RALGAPA1: variants seen among roughly 807,000 people sequenced by gnomAD.
The protein encoded by RALGAPA1 is ral GTPase-activating protein subunit alpha-1.
RALGAPA1 carries 52 observed loss-of-function variants against 269.6 expected under a neutral mutation model. The ratio of observed to expected loss-of-function variants is 0.19; its 90% confidence interval spans 0.15 to 0.24. The LOEUF (loss-of-function observed/expected upper bound fraction) is 0.24, where lower values mean the gene tolerates loss of function less well. Among genes scored for constraint, RALGAPA1 ranks in the 10% least tolerant of loss-of-function variants. The probability of loss-of-function intolerance (pLI) is 1.00; values close to 1 mark genes in which losing one functional copy is unlikely to be tolerated. For missense variants in RALGAPA1, 1,917 were observed against 3,013.9 expected (o/e 0.64, Z 8.52); for synonymous variants, 817 against 1,008.3 (o/e 0.81, Z 3.60).
chr14:35,660,722 A>G (rs2063487106), intron 27 of RALGAPA1, among the ~76,000 whole-genome samples: 1 of 152,108 alleles, frequency 6.6e-6, no homozygotes, highest in Non-Finnish European at 1.5e-5. Context: ...ACTAATGGAT[A>G]AAGAAAATGT....
intron 36 of RALGAPA1, among the ~76,000 whole-genome samples, chr14:35,602,016 TTC>T (rs1382234645): frequency 3.3e-5 from 5 of 152,202 alleles, no homozygotes; most frequent in Admixed American, 3.3e-4. Flanking sequence ...TTAACCTACT[TTC>T]TGTCTCTATA....
intron 39 of RALGAPA1, among the ~76,000 whole-genome samples, chr14:35,563,176 G>T (rs1314880005): frequency 6.6e-6 from 1 of 152,012 alleles, no homozygotes; most frequent in African/African-American, 2.4e-5. Context: ...AAACAAGGAG[G>T]GTAAGTAAGA....
chr14:35,769,744 A>C (rs1386037554), intron 4 of RALGAPA1, among the ~76,000 whole-genome samples: 1 of 152,200 alleles, frequency 6.6e-6, no homozygotes, highest in African/African-American at 2.4e-5. Context: ...GAAAGAAACA[A>C]ATTATCAAAC....
intron 28 of RALGAPA1, among the ~76,000 whole-genome samples, 180 bp downstream of exon 28, chr14:35,658,958 A>C (rs1247865757): frequency 6.6e-6 from 1 of 152,108 alleles, no homozygotes; most frequent in Non-Finnish European, 1.5e-5. Flanking sequence ...TTTATGAAGA[A>C]AGGTTAGTAT....
rs761755854 is a variant in RALGAPA1, at chr14:35,627,813, T to C, written c.6134A>G (p.Asn2045Ser). 1.9e-6 allele frequency: 3 copies of C among 1,574,740 alleles called. No homozygotes were observed. Among genetic ancestry groups the C allele is most frequent in the East Asian group, 2.2e-5 (1 of 44,734 alleles). Residue 2045 changes from asparagine (N) to serine (S), a missense_variant, in exon 34 of 42, where the codon AAT becomes AGT. By Grantham distance (46) the Asn-to-Ser change is conservative (BLOSUM62 1). Coordinates refer to ENST00000680220, the MANE Select transcript of RALGAPA1 (RefSeq NM_001346249.2). Reference protein sequence around the residue: ...LTSQVCENHDNHYSESTELSP... With the variant: ...LTSQVCENHDSHYSESTELSP... Reference sequence around the variant, plus strand: ...AAGTTCAGTACTTTCACTGTAATGATTGTCGTGATTTTCACACACCTGACT... The same window carrying C: ...AAGTTCAGTACTTTCACTGTAATGACTGTCGTGATTTTCACACACCTGACT...
intron 35 of RALGAPA1, among the ~76,000 whole-genome samples, chr14:35,622,966 T>G (rs573395871): frequency 6.6e-6 from 1 of 151,810 alleles, no homozygotes; most frequent in South Asian, 2.1e-4. Flanking sequence ...CCAGGTGTGA[T>G]GTGTGGTCAG....
intron 4 of RALGAPA1, among the ~76,000 whole-genome samples, chr14:35,763,813 A>G (rs1231259663): frequency 5.3e-5 from 8 of 151,004 alleles, no homozygotes; most frequent in African/African-American, 2.0e-4. Context: ...GAGAGAGAGG[A>G]ATAAAATTAC....
At chr14:35,779,380 C>G (rs372186477) in intron 1 of RALGAPA1, among the ~76,000 whole-genome samples, 1 of 151,830 alleles carries the variant, frequency 6.6e-6, no homozygotes, top group African/African-American at 2.4e-5. Context: ...AAAAATCAGC[C>G]AAGCATGGTG....
rs567269806 is a variant in RALGAPA1, at chr14:35,700,196, A to G, written c.2373T>C (p.Asp791=). Reference sequence around the variant, plus strand: ...CATCAGAAAGGGGAGTGAGAACAATATCAGGCAAGAAGGGTTTGGAAGTAT... The same window carrying G: ...CATCAGAAAGGGGAGTGAGAACAATGTCAGGCAAGAAGGGTTTGGAAGTAT... ...LIHTSKPFLP[D]IVLTPLSDEL... Residue 791 remains aspartate, a synonymous_variant, in exon 17 of 42, where the codon GAT becomes GAC. Transcript: ENST00000680220. 2.0e-6 allele frequency: 3 copies of G among 1,535,398 alleles called. No homozygotes were observed. In the South Asian group the frequency reaches 3.6e-5, roughly 18 times the overall value.
intron 12 of RALGAPA1, among the ~76,000 whole-genome samples, chr14:35,736,905 G>C (rs569387942): frequency 8.6e-5 from 13 of 151,902 alleles, no homozygotes; most frequent in Admixed American, 5.9e-4. Flanking sequence ...GCATGGTGGC[G>C]TGTGCCTGTA....
At chr14:35,577,915 T>C (rs2057686216) in intron 37 of RALGAPA1, among the ~76,000 whole-genome samples, 1 of 152,116 alleles carries the variant, frequency 6.6e-6, no homozygotes, top group South Asian at 2.1e-4. Context: ...CTTCATTTTT[T>C]TAAAAAAGTA....
intron 1 of RALGAPA1, among the ~76,000 whole-genome samples, chr14:35,803,726 A>G (rs2077145851): frequency 6.6e-6 from 1 of 150,870 alleles, no homozygotes; most frequent in Admixed American, 6.6e-5. Context: ...TCCACCTCCC[A>G]GGTTCAAGCA....
chr14:35,790,442 C>A lies in RALGAPA1; in HGVS notation c.107-14697G>T, dbSNP rs149827688. On this transcript the variant is annotated intron_variant, in intron 1 of 41. Coordinates refer to ENST00000680220, the MANE Select transcript of RALGAPA1 (RefSeq NM_001346249.2). The stretch of plus-strand genomic sequence containing the variant: ...GTAGCTCAGGCCTGTAATCCCAGCA[C>A]TTTGAGAGGCCAAGGCGGGCGGATC... Among the ~76,000 whole-genome samples the A allele has an allele frequency of 5.1e-3, 774 of 151,980 alleles. 3 individuals are homozygous for A. The highest frequency in any genetic ancestry group is 0.018 in the African/African-American group (739 of 41,454).
rs71421954 is a variant in RALGAPA1, at chr14:35,686,684, A to G, written c.3953-18T>C. On this transcript the variant is annotated intron_variant, in intron 18 of 41. Transcript: ENST00000680220. ...TTTATTGACTAAAAATAAATAAATA[A>G]CTATATATAGTGAGGAAAAACTTAA... 50 of 1,467,740 alleles carry G rather than the reference A, an allele frequency of 3.4e-5. No homozygotes were observed. The highest frequency in any genetic ancestry group is 4.6e-6 in the Non-Finnish European group (5 of 1,078,112). 90.9% of individuals were successfully genotyped at this position (1,467,740 alleles called of 1,614,324 possible).
chr14:35,741,837 C>T (rs2071581659), intron 11 of RALGAPA1, among the ~76,000 whole-genome samples: 1 of 152,144 alleles, frequency 6.6e-6, no homozygotes, highest in Non-Finnish European at 1.5e-5. Flanking sequence ...TCATCTTTTC[C>T]CTGCTGTGAG....
intron 11 of RALGAPA1, among the ~76,000 whole-genome samples, chr14:35,740,725 T>C (rs1379155080): frequency 6.6e-6 from 1 of 152,144 alleles, no homozygotes; most frequent in Non-Finnish European, 1.5e-5. Context: ...GGATGATGGC[T>C]TGAACCCGGG....
At chr14:35,747,087 G>A (rs890786495) in intron 10 of RALGAPA1, among the ~76,000 whole-genome samples, 2 of 151,974 alleles carry the variant, frequency 1.3e-5, no homozygotes, top group Non-Finnish European at 2.9e-5. Flanking sequence ...CCCAAGGCAG[G>A]AGGATTGCTT....
rs79589625 is a variant in RALGAPA1 at position 35,760,278 on chromosome 14, G to C, written c.547+551C>G. Reference sequence around the variant, plus strand: ...TTCCCAGGGCTAGCCAGTTCCTAGAGACAGTAAGTGACTAGCCTGTGAGCA... The same window carrying C: ...TTCCCAGGGCTAGCCAGTTCCTAGACACAGTAAGTGACTAGCCTGTGAGCA... On this transcript the variant is annotated intron_variant, in intron 6 of 41. Coordinates refer to ENST00000680220, the MANE Select transcript of RALGAPA1 (RefSeq NM_001346249.2). 5.3e-3 allele frequency among the ~76,000 whole-genome samples: 800 copies of C among 152,242 alleles called. 10 individuals are homozygous for C. Among genetic ancestry groups the C allele is most frequent in the African/African-American group, 0.018 (746 of 41,546 alleles).
intron 37 of RALGAPA1, among the ~76,000 whole-genome samples, chr14:35,576,742 T>C (rs992688665): frequency 6.6e-6 from 1 of 152,208 alleles, no homozygotes; most frequent in African/African-American, 2.4e-5. Context: ...AGGAGAGGAA[T>C]TGAAGCTTAA....
Sources: gnomAD v4.1 joint callset for allele counts (sites outside exome capture counted in the v4.1 genomes callset) on GRCh38, gnomAD v4.1.1 for gene constraint, MANE v1.5 for transcripts, NCBI Gene and HGNC (gene_info 2026-07-23, HGNC 2026-07-21) for gene names.